The following DOCK1 variants were observed in gnomAD, a reference collection of about 807,000 sequenced individuals.
The protein encoded by DOCK1 is dedicator of cytokinesis 1.
In DOCK1, 138 loss-of-function variants were observed where a neutral mutation model predicts 262.7. The ratio of observed to expected loss-of-function variants is 0.53; its 90% CI spans 0.46 to 0.61. DOCK1 has a LOEUF of 0.61. Among genes scored for constraint, DOCK1 ranks in the 20% least tolerant of loss-of-function variants. The pLI is 0.00. For synonymous variants in DOCK1, 866 were observed against 867.4 expected, an observed-to-expected ratio of 1.00 and a Z score of 0.03; for missense variants, 1,908 against 2,370.7, an observed-to-expected ratio of 0.80 and a Z score of 4.05.
At chr10:127,311,208 T>A (rs961735639) in intron 29 of DOCK1, among the ~76,000 whole-genome samples, 2 of 152,202 alleles carry the variant, frequency 1.3e-5, no homozygotes, top group African/African-American at 4.8e-5. Flanking sequence ...AAGGCAGCTG[T>A]TCCTGGGGCC....
intron 27 of DOCK1, among the ~76,000 whole-genome samples, chr10:127,226,935 C>A (rs1379131217): frequency 6.6e-6 from 1 of 152,178 alleles, no homozygotes; most frequent in Non-Finnish European, 1.5e-5. Flanking sequence ...TGTCATGCTG[C>A]ATACACCACT....
In DOCK1 at chr10:127,410,824, G is replaced by C. The variant is rs1319926656; in HGVS notation, c.4344-16G>C. 1 of 1,612,544 alleles carries C rather than the reference G, an allele frequency of 6.2e-7. No individual in the cohort carries two copies. The highest frequency in any genetic ancestry group is 8.5e-7 in the Non-Finnish European group (1 of 1,179,322). On this transcript the variant is annotated splice_polypyrimidine_tract_variant and intron_variant, in intron 42 of 51. Transcript: ENST00000623213. ...TGCCGGGTTAAATATCTAATGATCTGTCTGTCTCTGTACAGTTTTTACAGG... is the reference window on the plus strand; with the variant it reads ...TGCCGGGTTAAATATCTAATGATCTCTCTGTCTCTGTACAGTTTTTACAGG...
chr10:126,913,323 G>GTAGC (rs1554954795), intron 1 of DOCK1, among the ~76,000 whole-genome samples: 1 of 152,078 alleles, frequency 6.6e-6, no homozygotes, highest in African/African-American at 2.4e-5. Context: ...CATGAGTAGG[G>GTAGC]CAGCCTCATA....
At chr10:126,927,791 G>A (rs1445566428) in intron 1 of DOCK1, among the ~76,000 whole-genome samples, 1 of 152,126 alleles carries the variant, frequency 6.6e-6, no homozygotes, top group Non-Finnish European at 1.5e-5. Flanking sequence ...AGCTGCCCAC[G>A]TGGCGACACC....
intron 41 of DOCK1, 66 bp downstream of exon 41, chr10:127,409,244 T>C (rs2067702703): frequency 1.1e-5 from 17 of 1,612,034 alleles, no homozygotes; most frequent in South Asian, 8.8e-5. Context: ...GGTGGTTGGG[T>C]GTGGTGGGGG....
chr10:127,218,947 G>T (rs2058319506), intron 27 of DOCK1, among the ~76,000 whole-genome samples: 1 of 152,140 alleles, frequency 6.6e-6, no homozygotes, highest in Admixed American at 6.5e-5. Context: ...CTCCTGGTGG[G>T]ATGGAAAGGG....
intron 23 of DOCK1, among the ~76,000 whole-genome samples, chr10:127,099,770 C>T (rs1395782786): frequency 2.0e-5 from 3 of 152,168 alleles, no homozygotes; most frequent in African/African-American, 7.2e-5. Flanking sequence ...CACGTTTCAG[C>T]ATGAGAGATG....
At chr10:126,929,367 T>C (rs1251125221) in intron 1 of DOCK1, among the ~76,000 whole-genome samples, 1 of 152,114 alleles carries the variant, frequency 6.6e-6, no homozygotes, top group Admixed American at 6.6e-5. Context: ...CCAGGAGATA[T>C]TATCATTTAT....
At chr10:127,282,933 C>T (rs2061014927) in intron 29 of DOCK1, among the ~76,000 whole-genome samples, 1 of 152,248 alleles carries the variant, frequency 6.6e-6, no homozygotes, top group East Asian at 1.9e-4. Context: ...ACTGTGTTTC[C>T]ATTCTCTTTT....
intron 29 of DOCK1, among the ~76,000 whole-genome samples, chr10:127,260,743 ATG>A (rs2060005907): frequency 5.2e-5 from 3 of 57,942 alleles, no homozygotes. Context: ...GTGGGTGTGC[ATG>A]TGTGTACCCG....
At chr10:127,244,515 C>T (rs1334563067) in intron 27 of DOCK1, among the ~76,000 whole-genome samples, 3 of 152,202 alleles carry the variant, frequency 2.0e-5, no homozygotes, top group African/African-American at 4.8e-5. Flanking sequence ...ACCAACAGCA[C>T]ACAAGAGTCC....
At chr10:127,088,813 A>G (rs2047347292) in intron 23 of DOCK1, among the ~76,000 whole-genome samples, 1 of 152,126 alleles carries the variant, frequency 6.6e-6, no homozygotes, top group Non-Finnish European at 1.5e-5. Context: ...TCAGTGGTCA[A>G]AACTGAGATT....
intron 29 of DOCK1, among the ~76,000 whole-genome samples, chr10:127,280,907 A>G (rs1590253519): frequency 6.6e-6 from 1 of 152,338 alleles, no homozygotes. Flanking sequence ...GGAAGTGAAG[A>G]TCACGTCAGC....
At chr10:127,288,099 A>T (rs1002174072) in intron 29 of DOCK1, among the ~76,000 whole-genome samples, 3 of 152,180 alleles carry the variant, frequency 2.0e-5, no homozygotes, top group Non-Finnish European at 4.4e-5. Flanking sequence ...GGCATCCTCC[A>T]AGGATGACCA....
At chr10:126,969,064 T>TA (rs1322504494) in intron 1 of DOCK1, among the ~76,000 whole-genome samples, 3 of 151,914 alleles carry the variant, frequency 2.0e-5, no homozygotes, top group East Asian at 1.9e-4. Context: ...TTGATAGCAG[T>TA]AAAAAAAATA....
chr10:127,043,816 C>T (rs1419876251), intron 21 of DOCK1, among the ~76,000 whole-genome samples: 2 of 152,220 alleles, frequency 1.3e-5, no homozygotes, highest in Non-Finnish European at 2.9e-5. Context: ...CTCACAAGCT[C>T]TGTGATCTTG....
intron 10 of DOCK1, among the ~76,000 whole-genome samples, chr10:127,004,480 T>C (rs2040841251): frequency 2.0e-5 from 3 of 152,042 alleles, no homozygotes; most frequent in South Asian, 4.1e-4. Context: ...GGTGCTGTGG[T>C]TCATGCCTGT....
intron 23 of DOCK1, among the ~76,000 whole-genome samples, chr10:127,087,745 C>T (rs1047453181): frequency 6.6e-6 from 1 of 152,026 alleles, no homozygotes; most frequent in Non-Finnish European, 1.5e-5. Context: ...ACCATTTACC[C>T]GAAGTAGAAC....
chr10:126,915,133 G>A (rs1252935253), intron 1 of DOCK1, among the ~76,000 whole-genome samples: 3 of 152,092 alleles, frequency 2.0e-5, no homozygotes, highest in Admixed American at 1.3e-4. Flanking sequence ...TCTCCTCCAC[G>A]TGTTCCTATT....
Sources: gnomAD v4.1 joint callset for allele counts (sites outside exome capture counted in the v4.1 genomes callset) on GRCh38, gnomAD v4.1.1 for gene constraint, MANE v1.5 for transcripts, NCBI Gene and HGNC (gene_info 2026-07-23, HGNC 2026-07-21) for gene names.